COL4A4: variants seen among roughly 807,000 people sequenced by gnomAD.
COL4A4 encodes the protein collagen alpha-4(IV) chain.
Under a neutral mutation model 192.9 loss-of-function variants are expected in COL4A4, and 105 were observed. That is an observed-to-expected ratio of 0.54 (90% CI 0.46 to 0.64). COL4A4 has a LOEUF of 0.64. Among genes scored for constraint, COL4A4 ranks in the 30% least tolerant of loss-of-function variants. COL4A4 has a pLI of 0.00. For synonymous variants in COL4A4, 762 were observed against 769.9 expected (o/e 0.99, Z 0.17); for missense variants, 1,967 against 2,169.3 (o/e 0.91, Z 1.85).
chr2:226,985,862 T>C, the COL4A4 span, among the ~76,000 whole-genome samples: 1 of 152,262 alleles, frequency 6.6e-6, no homozygotes, highest in African/African-American at 2.4e-5. Flanking sequence ...TGCCCACTCC[T>C]ACCTCTTCCA....
intron 1 of COL4A4, among the ~76,000 whole-genome samples, chr2:227,160,134 T>C (rs1249287332): frequency 6.6e-6 from 1 of 152,142 alleles, no homozygotes; most frequent in Non-Finnish European, 1.5e-5. Context: ...AGAGAAATCA[T>C]AAAAAGCTTG....
the COL4A4 span, among the ~76,000 whole-genome samples, chr2:226,979,577 A>G: frequency 6.6e-6 from 1 of 152,124 alleles, no homozygotes; most frequent in Non-Finnish European, 1.5e-5. Context: ...GGAGGAGAGG[A>G]AGCAAGCATC....
In COL4A4 at chr2:227,008,602, G is replaced by A. The variant is rs950845948; in HGVS notation, c.4523-298C>T. ...AGCAGGGAACTGGATGAGCAAACAA[G>A]CAATGAAAATACAGCACAACAAGCC... On this transcript the variant is annotated intron_variant, in intron 46 of 47. Coordinates refer to ENST00000396625, the MANE Select transcript of COL4A4 (RefSeq NM_000092.5). Among the ~76,000 whole-genome samples the A allele has an allele frequency of 4.6e-5, 7 of 152,314 alleles. No homozygotes were observed. In the South Asian group the frequency reaches 1.5e-3, roughly 32 times the overall value.
intron 44 of COL4A4, among the ~76,000 whole-genome samples, chr2:227,020,278 G>A (rs1017810295): frequency 2.0e-5 from 3 of 152,098 alleles, no homozygotes; most frequent in Admixed American, 2.0e-4. Flanking sequence ...GTTTTAAAAT[G>A]AGGTTGATGA....
At chr2:226,988,721 T>C in the COL4A4 span, 2 of 931,930 alleles carry the variant, frequency 2.1e-6, no homozygotes, top group South Asian at 9.9e-5. Context: ...TATACATAGA[T>C]ATAGATATAT....
intron 25 of COL4A4, among the ~76,000 whole-genome samples, chr2:227,076,461 C>A (rs2059030128): frequency 6.6e-6 from 1 of 152,144 alleles, no homozygotes; most frequent in South Asian, 2.1e-4. Context: ...AACTGGACCC[C>A]TTCCTTACAT....
chr2:227,043,606 C>T (rs190058445), intron 35 of COL4A4, among the ~76,000 whole-genome samples: 3 of 152,258 alleles, frequency 2.0e-5, no homozygotes, highest in Non-Finnish European at 2.9e-5. Context: ...CCATAATGCT[C>T]TTTATATCTC....
Position 227,140,217 on chromosome 2 carries a change from G to T in COL4A4, c.136C>A (p.Pro46Thr), listed in dbSNP as rs374836502. 2.2e-5 allele frequency: 36 copies of T among 1,613,862 alleles called. No homozygotes were observed. In the African/African-American group the frequency reaches 4.4e-4, roughly 20 times the overall value. ...ACAGAGCAATCTCTTCCTCCACAAGGACCAATGTATTTCTTTCCACTCTGG... is the reference window on the plus strand; with the variant it reads ...ACAGAGCAATCTCTTCCTCCACAAGTACCAATGTATTTCTTTCCACTCTGG... ...VYGSGKKYIG[P>T]CGGRDCSVCH... Residue 46 changes from proline (P) to threonine (T), a missense_variant, in exon 4 of 48, where the codon CCT (proline) becomes ACT (threonine). Pro to Thr is a conservative substitution (Grantham distance 38, BLOSUM62 -1). Coordinates refer to ENST00000396625, the MANE Select transcript of COL4A4 (RefSeq NM_000092.5).
At chr2:227,064,308 G>C (rs1426059940) in intron 25 of COL4A4, among the ~76,000 whole-genome samples, 1 of 152,002 alleles carries the variant, frequency 6.6e-6, no homozygotes, top group Non-Finnish European at 1.5e-5. Context: ...AGAACAAAAA[G>C]AATTTCAGAG....
At chr2:227,113,793 G>A (rs144558119) in intron 8 of COL4A4, among the ~76,000 whole-genome samples, 105 of 152,352 alleles carry the variant, frequency 6.9e-4, no homozygotes, top group African/African-American at 2.5e-3. Flanking sequence ...CACTGCTCAG[G>A]TGTGTCCATT....
intron 7 of COL4A4, among the ~76,000 whole-genome samples, chr2:227,117,142 T>C (rs976391249): frequency 6.6e-6 from 1 of 152,218 alleles, no homozygotes; most frequent in African/African-American, 2.4e-5. Context: ...GCTTGCCTGG[T>C]CATTCTTACT....
At chr2:227,142,097 C>CAAAAAAAAAAAAAAAAAAAAAA (rs531488311) in intron 3 of COL4A4, among the ~76,000 whole-genome samples, 1 of 118,930 alleles carries the variant, frequency 8.4e-6, no homozygotes, top group African/African-American at 3.1e-5. Context: ...TTAGTAGATT[C>CAAAAAAAAAAAAAAAAAAAAAA]AAAAAAAAAA....
intron 12 of COL4A4, among the ~76,000 whole-genome samples, chr2:227,106,117 T>A (rs1275973476): frequency 8.6e-6 from 1 of 115,876 alleles, no homozygotes; most frequent in African/African-American, 2.9e-5. Flanking sequence ...AGAAACATTG[T>A]CTGTTTTGTT....
chr2:227,041,856 A>AAG lies in COL4A4; in HGVS notation c.3505+290_3505+291dup, dbSNP rs1237060194. Among the ~76,000 whole-genome samples, 667 of 96,812 alleles carry AAG rather than the reference A, an allele frequency of 6.9e-3. 3 individuals carry two copies. Among genetic ancestry groups the AAG allele is most frequent in the South Asian group, 0.01 (27 of 2,700 alleles). The allele number at this position is 96,812 out of a possible 152,430, so 63.5% of individuals were successfully genotyped here. A position where few individuals can be genotyped will look rare whatever the true frequency, so the allele number is the denominator to read the frequency against. On this transcript the variant is annotated intron_variant, in intron 37 of 47. Transcript: ENST00000396625. The stretch of plus-strand genomic sequence containing the variant: ...AGAAAGAAAGAAAGAAAGAGAAAGA[A>AAG]AGAAAGAAAGAAAGAAAGAAAGAAA...
chr2:227,041,463 A>C (rs1346558841), intron 37 of COL4A4, among the ~76,000 whole-genome samples: 1 of 151,678 alleles, frequency 6.6e-6, no homozygotes, highest in African/African-American at 2.4e-5. Flanking sequence ...AACATGGTGA[A>C]ACCCCGTCTC....
intron 2 of COL4A4, 41 bp downstream of exon 2, chr2:227,147,372 A>G (rs2063617603): frequency 1.3e-6 from 2 of 1,556,602 alleles, no homozygotes; most frequent in Non-Finnish European, 1.8e-6. Flanking sequence ...TTGAGTAGAA[A>G]TTACTAAATA....
the COL4A4 span, among the ~76,000 whole-genome samples, chr2:226,976,616 A>G: frequency 3.1e-4 from 47 of 152,260 alleles, 1 homozygote; most frequent in Non-Finnish European, 1.0e-4. Context: ...TAGAACACTT[A>G]GAGGAAGAGA....
intron 2 of COL4A4, among the ~76,000 whole-genome samples, chr2:227,144,942 C>G (rs534637681): frequency 6.6e-6 from 1 of 152,014 alleles, no homozygotes; most frequent in Non-Finnish European, 1.5e-5. Context: ...CCAGTGTATC[C>G]CATAATGCCA....
At chr2:227,053,327 G>A (rs1974542150) in intron 31 of COL4A4, among the ~76,000 whole-genome samples, 1 of 151,918 alleles carries the variant, frequency 6.6e-6, no homozygotes, top group Non-Finnish European at 1.5e-5. Flanking sequence ...TTCAATATGA[G>A]GCTACTTGCC....
Sources: allele counts gnomAD v4.1 joint callset (sites outside exome capture counted in the v4.1 genomes callset), GRCh38; gene constraint gnomAD v4.1.1; transcripts MANE v1.5; gene names NCBI Gene and HGNC (gene_info 2026-07-23, HGNC 2026-07-21).